The following SND1 variants were observed in gnomAD, a reference collection of about 807,000 sequenced individuals.
SND1 encodes staphylococcal nuclease domain-containing protein 1.
SND1 carries 38 observed loss-of-function variants against 121.7 expected under a neutral mutation model. The ratio of observed to expected loss-of-function variants is 0.31; its 90% CI spans 0.24 to 0.41. The LOEUF is 0.41. SND1 is among the 10% of genes least tolerant of loss of function. The pLI, the probability that SND1 is intolerant of heterozygous loss-of-function variation, is 1.00. For synonymous variants in SND1, 401 were observed against 447.4 expected (o/e 0.90, Z 1.31); for missense variants, 868 against 1,184.6 (o/e 0.73, Z 3.92).
chr7:127,943,978 C>T (rs1436680937), intron 15 of SND1, among the ~76,000 whole-genome samples: 1 of 152,200 alleles, frequency 6.6e-6, no homozygotes, highest in Non-Finnish European at 1.5e-5. Flanking sequence ...GGCTCGACTG[C>T]GTTCCCTCAG....
chr7:127,915,373 C>T (rs1226551491), intron 14 of SND1, among the ~76,000 whole-genome samples: 1 of 152,164 alleles, frequency 6.6e-6, no homozygotes, highest in African/African-American at 2.4e-5. Flanking sequence ...ATTTACATTG[C>T]AAACTCTTCA....
chr7:128,032,354 C>T (rs1271202775), intron 16 of SND1, among the ~76,000 whole-genome samples: 1 of 151,188 alleles, frequency 6.6e-6, no homozygotes, highest in East Asian at 2.0e-4. Flanking sequence ...CCCGCCCCCT[C>T]TAGACGAGCG....
intron 13 of SND1, among the ~76,000 whole-genome samples, chr7:127,892,801 CT>C (rs1303733982): frequency 5.9e-5 from 9 of 151,500 alleles, no homozygotes; most frequent in Non-Finnish European, 1.0e-4. Context: ...TTGTCCCCCC[CT>C]CCCCACCCCG....
Position 128,081,416 on chromosome 7 carries a change from G to A in SND1, c.2025G>A (p.Glu675=). Reference sequence around the variant, plus strand: ...AGGAGGTGATGCCAGTGCTGGAGGAGAAGGAGCGATCTGCTAGCTACAAGC... The same window carrying A: ...AGGAGGTGATGCCAGTGCTGGAGGAAAAGGAGCGATCTGCTAGCTACAAGC... The part of the protein sequence containing the change: ...PVEEVMPVLE[E]KERSASYKPV... The change falls in exon 18 of 24, where the codon GAG becomes GAA. Residue 675 remains glutamate, a synonymous_variant. Coordinates refer to ENST00000354725, the MANE Select transcript of SND1 (RefSeq NM_014390.4). 1 of 1,614,230 alleles carries A rather than the reference G, an allele frequency of 6.2e-7. No homozygotes were observed. Among genetic ancestry groups the A allele is most frequent in the Non-Finnish European group, 8.5e-7 (1 of 1,180,036 alleles).
At chr7:127,679,979 C>T (rs958192737) in intron 1 of SND1, among the ~76,000 whole-genome samples, 5 of 152,066 alleles carry the variant, frequency 3.3e-5, no homozygotes, top group Non-Finnish European at 5.9e-5. Context: ...CTGATAGTCA[C>T]GTAGGTTCTT....
chr7:128,092,112 G>A lies in SND1; in HGVS notation c.*54G>A. 1.3e-6 allele frequency: 2 copies of A among 1,570,704 alleles called. No homozygotes were observed. Among genetic ancestry groups the A allele is most frequent in the Non-Finnish European group, 1.8e-6 (2 of 1,141,672 alleles). ...CGCTCACGCCAGTCCCTCTTCCTCT[G>A]CCGGGAGGGTGTTTTCAACTCCAAA... On this transcript the variant is annotated 3_prime_UTR_variant, in exon 24 of 24. Transcript: ENST00000354725. The surrounding 1 kb of genome is among the most constrained non-coding windows in gnomAD (Gnocchi z 4.9).
chr7:128,032,514 C>T (rs891473314), intron 16 of SND1, among the ~76,000 whole-genome samples: 1 of 151,620 alleles, frequency 6.6e-6, no homozygotes, highest in East Asian at 1.9e-4. Context: ...GGGGCTGCGG[C>T]GGGAGAGCCC....
At chr7:127,825,563 A>G (rs1237837053) in intron 11 of SND1, among the ~76,000 whole-genome samples, 2 of 151,444 alleles carry the variant, frequency 1.3e-5, no homozygotes, top group Admixed American at 1.3e-4. Context: ...GTGTGCCACC[A>G]TGCCCAGCTA....
At chr7:127,722,521 G>A (rs573280584) in intron 10 of SND1, among the ~76,000 whole-genome samples, 4 of 151,760 alleles carry the variant, frequency 2.6e-5, no homozygotes, top group African/African-American at 7.2e-5. Flanking sequence ...TATACAAAAA[G>A]GATGGGATAA....
chr7:127,960,919 A>G (rs1801715731), intron 15 of SND1, among the ~76,000 whole-genome samples: 1 of 152,206 alleles, frequency 6.6e-6, no homozygotes, highest in Non-Finnish European at 1.5e-5. Flanking sequence ...GGGAATCCCA[A>G]GAGAAGTTTG....
chr7:128,011,469 C>G (rs1213627928), intron 16 of SND1, among the ~76,000 whole-genome samples: 2 of 152,194 alleles, frequency 1.3e-5, no homozygotes, highest in African/African-American at 4.8e-5. Flanking sequence ...TTCATCCTGT[C>G]TGGCATGTCA....
At chr7:127,974,717 T>C (rs1039889627) in intron 15 of SND1, among the ~76,000 whole-genome samples, 1 of 152,184 alleles carries the variant, frequency 6.6e-6, no homozygotes, top group Non-Finnish European at 1.5e-5. Context: ...TTAGTGACAT[T>C]AGGGGAGACA....
At chr7:127,862,563 A>C (rs958575957) in intron 12 of SND1, among the ~76,000 whole-genome samples, 1 of 152,258 alleles carries the variant, frequency 6.6e-6, no homozygotes, top group East Asian at 1.9e-4. Context: ...CATCACTCTC[A>C]GCATTGGCTA....
chr7:128,066,073 G>A (rs534928750), intron 16 of SND1, among the ~76,000 whole-genome samples: 6 of 152,322 alleles, frequency 3.9e-5, no homozygotes, highest in African/African-American at 9.6e-5. Context: ...GTTAGCGCTC[G>A]CAAAGGCCTG....
chr7:127,681,800 A>G (rs1328935982), intron 1 of SND1, among the ~76,000 whole-genome samples: 1 of 152,192 alleles, frequency 6.6e-6, no homozygotes, highest in East Asian at 1.9e-4. Flanking sequence ...CCATAAATGT[A>G]TGGATTTGTA....
chr7:127,694,101 C>T (rs1217003537), intron 2 of SND1, among the ~76,000 whole-genome samples: 1 of 152,164 alleles, frequency 6.6e-6, no homozygotes, highest in Non-Finnish European at 1.5e-5. Flanking sequence ...TACTGGTGTC[C>T]TCCCAAGGAT....
intron 12 of SND1, among the ~76,000 whole-genome samples, chr7:127,881,285 G>T (rs1205001023): frequency 6.6e-6 from 1 of 152,014 alleles, no homozygotes; most frequent in Non-Finnish European, 1.5e-5. Context: ...TAGGTTATTG[G>T]ATAATCATTC....
At chr7:128,072,675 G>T (rs1328250634) in intron 16 of SND1, among the ~76,000 whole-genome samples, 2 of 149,450 alleles carry the variant, frequency 1.3e-5, no homozygotes, top group Non-Finnish European at 3.0e-5. Flanking sequence ...CACTACCCCC[G>T]CCACCTCCCC....
At chr7:128,080,240 T>G (rs1273669483) in intron 17 of SND1, among the ~76,000 whole-genome samples, 1 of 152,212 alleles carries the variant, frequency 6.6e-6, no homozygotes, top group Non-Finnish European at 1.5e-5. Context: ...GCTGCTCAGC[T>G]GGAAAGCCAC....
Sources: gnomAD v4.1 joint callset for allele counts (sites outside exome capture counted in the v4.1 genomes callset) on GRCh38, gnomAD v4.1.1 for gene constraint, Gnocchi (gnomAD v3.1) non-coding constraint, MANE v1.5 for transcripts, NCBI Gene and HGNC (gene_info 2026-07-23, HGNC 2026-07-21) for gene names.